Variants in CNGA4 observed in about 807,000 individuals in gnomAD.
The protein encoded by CNGA4 is cyclic nucleotide-gated channel alpha-4.
A neutral mutation model predicts 45.6 loss-of-function variants in CNGA4; 32 were observed. The ratio of observed to expected loss-of-function variants is 0.70; its 90% CI spans 0.53 to 0.94. CNGA4 has a LOEUF of 0.94. CNGA4 is among the 40% of genes least tolerant of loss of function. The pLI, the probability that CNGA4 is intolerant of heterozygous loss-of-function variation, is 0.00. For synonymous variants in CNGA4, 293 were observed against 304.6 expected (o/e 0.96, Z 0.40); for missense variants, 726 against 755.1 (o/e 0.96, Z 0.45).
At position 6,240,705 on chromosome 11, in the gene CNGA4, T is replaced by C. The variant is rs139774505; in HGVS notation, c.911T>C (p.Ile304Thr). ...HVNRKLERRV[I>T]DWYQHLQINK... is the part of the protein sequence containing the mutation. ...AACCGCAAGCTGGAGCGGCGAGTTA[T>C]TGACTGGTGAGAAGGCGGGGTTCCA... Residue 304 changes from isoleucine to threonine, a missense_variant, in exon 4 of 6, where the codon ATT becomes ACT. By Grantham distance (89) the Ile-to-Thr change is moderately conservative. Coordinates refer to ENST00000379936, the MANE Select transcript of CNGA4 (RefSeq NM_001037329.4). This position sits in a 1 kb window ranked among gnomAD's most constrained non-coding sequence, Gnocchi z 4.9. 33 of 1,611,804 alleles carry C rather than the reference T, an allele frequency of 2.0e-5. No homozygotes were observed. Among genetic ancestry groups the C allele is most frequent in the Non-Finnish European group, 2.7e-5 (32 of 1,178,322 alleles).
chr11:6,243,101 T>G (rs1847939796), intron 5 of CNGA4, among the ~76,000 whole-genome samples: 1 of 152,168 alleles, frequency 6.6e-6, no homozygotes. Context: ...TTCTACCCCC[T>G]TCCCTCTGTT....
At chr11:6,244,827 C>T (rs866258400), downstream of CNGA4, among the ~76,000 whole-genome samples, 12 of 152,334 alleles carry the variant, frequency 7.9e-5, no homozygotes, top group Middle Eastern at 3.4e-3. This position sits in a 1 kb window ranked among gnomAD's most constrained non-coding sequence, Gnocchi z 4.5. Context: ...GACACAGATG[C>T]CCTTCACAGG....
At position 6,240,090 on chromosome 11, in the gene CNGA4, T is replaced by C. The variant is rs1373757845; in HGVS notation, c.296T>C (p.Val99Ala). 1 of 1,611,778 alleles carries C rather than the reference T, an allele frequency of 6.2e-7. No individual in the cohort carries two copies. Among genetic ancestry groups the C allele is most frequent in the South Asian group, 1.1e-5 (1 of 90,826 alleles). ...HTGFLEQGILVVDKGRISSRY... is the reference protein window; with the variant it reads ...HTGFLEQGILAVDKGRISSRY... ...GGATTCTTGGAACAGGGCATCCTGGTGGTGGACAAGGGTAGGATCTCGAGT... is the reference window on the plus strand; with the variant it reads ...GGATTCTTGGAACAGGGCATCCTGGCGGTGGACAAGGGTAGGATCTCGAGT... The change falls in exon 4 of 6, where the codon GTG (valine) becomes GCG (alanine). Residue 99 changes from valine (V) to alanine (A), a missense_variant. Val to Ala is a moderately conservative substitution (Grantham distance 64). Coordinates refer to ENST00000379936, the MANE Select transcript of CNGA4 (RefSeq NM_001037329.4). This position sits in a 1 kb window ranked among gnomAD's most constrained non-coding sequence, Gnocchi z 4.9.
At chr11:6,237,498 T>A (rs1188138723), upstream of CNGA4, among the ~76,000 whole-genome samples, 1 of 150,726 alleles carries the variant, frequency 6.6e-6, no homozygotes, top group African/African-American at 2.4e-5. Context: ...GTGACTGACG[T>A]CAATCAGACA....
chr11:6,240,013 C>A lies in CNGA4; in HGVS notation c.272-53C>A, dbSNP rs1241370031. The stretch of plus-strand genomic sequence containing the variant: ...TGGCCTGCCCTGGGCAGCTCATGCT[C>A]AGCCCAAGCTTGACTACAGCAGGTC... On this transcript the variant is annotated intron_variant, in intron 3 of 5. Coordinates refer to ENST00000379936, the MANE Select transcript of CNGA4 (RefSeq NM_001037329.4). This position sits in a 1 kb window ranked among gnomAD's most constrained non-coding sequence, Gnocchi z 4.9. 4 of 1,555,270 alleles carry A rather than the reference C, an allele frequency of 2.6e-6. No individual in the cohort carries two copies. Among genetic ancestry groups the A allele is most frequent in the Non-Finnish European group, 3.5e-6 (4 of 1,149,978 alleles).
upstream of CNGA4, among the ~76,000 whole-genome samples, chr11:6,237,961 G>T (rs1024449586): frequency 1.3e-5 from 2 of 152,276 alleles, no homozygotes; most frequent in Non-Finnish European, 1.5e-5. Context: ...CTACCCGCTA[G>T]GCCCTCTAAA....
chr11:6,244,636 T>G (rs1432884128), downstream of CNGA4, among the ~76,000 whole-genome samples: 1 of 146,436 alleles, frequency 6.8e-6, no homozygotes, highest in South Asian at 2.2e-4. This position sits in a 1 kb window ranked among gnomAD's most constrained non-coding sequence, Gnocchi z 4.5. Context: ...ACACATTTGC[T>G]CATAGACCTG....
rs1440043544 is a variant in CNGA4, at chr11:6,239,688, T to C, written c.169T>C (p.Cys57Arg). The change falls in exon 3 of 6, where the codon TGC (cysteine) becomes CGC (arginine). Residue 57 changes from cysteine (C) to arginine (R), a missense_variant. Coordinates refer to ENST00000379936, the MANE Select transcript of CNGA4 (RefSeq NM_001037329.4). ...YNLIILVCRA[C>R]FPDLQHGYLV... ...ATGCTTAACCCTGCCCTGCAGAGCCTGCTTCCCCGACTTGCAGCACGGTTA... is the reference window on the plus strand; with the variant it reads ...ATGCTTAACCCTGCCCTGCAGAGCCCGCTTCCCCGACTTGCAGCACGGTTA... 6.2e-7 allele frequency: 1 copy of C among 1,613,994 alleles called. No individual in the cohort carries two copies. Among genetic ancestry groups the C allele is most frequent in the Non-Finnish European group, 8.5e-7 (1 of 1,179,926 alleles).
At chr11:6,237,575 T>C (rs1423795523), upstream of CNGA4, among the ~76,000 whole-genome samples, 1 of 150,838 alleles carries the variant, frequency 6.6e-6, no homozygotes, top group Non-Finnish European at 1.5e-5. Context: ...AACACCATCA[T>C]AGAAGGAATA....
At chr11:6,239,347 C>G in intron 1 of CNGA4, 37 bp from the exon 2 acceptor site, 1 of 1,612,908 alleles carries the variant, frequency 6.2e-7, no homozygotes, top group Non-Finnish European at 8.5e-7. Flanking sequence ...CTTTGAATGC[C>G]TGGTGAATAA....
chr11:6,240,145 G>C lies in CNGA4; in HGVS notation c.351G>C (p.Leu117Phe). ...ACGTTCGCACCTGGAGTTTCTTCTT[G>C]GACCTGGCTTCCCTGATGCCCACAG... ...SRYVRTWSFF[L>F]DLASLMPTDV... The change falls in exon 4 of 6, where the codon TTG becomes TTC. Residue 117 changes from leucine (L) to phenylalanine (F), a missense_variant. By Grantham distance (22) the Leu-to-Phe change is conservative (BLOSUM62 0). Coordinates refer to ENST00000379936, the MANE Select transcript of CNGA4 (RefSeq NM_001037329.4). The surrounding 1 kb of genome is among the most constrained non-coding windows in gnomAD (Gnocchi z 4.9). The C allele has an allele frequency of 3.7e-6, 6 of 1,614,194 alleles. No individual in the cohort carries two copies. The highest frequency in any genetic ancestry group is 5.1e-6 in the Non-Finnish European group (6 of 1,180,046).
downstream of CNGA4, chr11:6,244,524 G>A: frequency 2.1e-6 from 2 of 960,508 alleles, no homozygotes; most frequent in Non-Finnish European, 1.5e-6. This position sits in a 1 kb window ranked among gnomAD's most constrained non-coding sequence, Gnocchi z 4.5. Context: ...GAGCGAATTG[G>A]TCTGTAGATG....
rs542612027 is a variant in CNGA4 at position 6,239,156 on chromosome 11, C to A, written c.-51C>A. 1.5e-5 allele frequency: 24 copies of A among 1,612,120 alleles called. No homozygotes were observed. In the South Asian group the frequency reaches 2.5e-4, roughly 17 times the overall value. On this transcript the variant is annotated 5_prime_UTR_variant, in exon 1 of 6. Coordinates refer to ENST00000379936, the MANE Select transcript of CNGA4 (RefSeq NM_001037329.4). ...AGTGCCCAACTCCAGAAGTCCCCTA[C>A]AGGCAGAGAGGGTGTGGACATCTCA...
upstream of CNGA4, among the ~76,000 whole-genome samples, chr11:6,238,232 C>A (rs1470634892): frequency 3.3e-5 from 5 of 152,210 alleles, no homozygotes; most frequent in East Asian, 9.6e-4. Flanking sequence ...TACCTGCTGG[C>A]CTGACTATTT....
upstream of CNGA4, chr11:6,235,391 A>G (rs767679309): frequency 2.4e-5 from 19 of 788,498 alleles, no homozygotes; most frequent in Admixed American, 1.9e-4. Flanking sequence ...ATTCCGGATC[A>G]ATTAGAACCG....
intron 5 of CNGA4, 54 bp downstream of exon 5, chr11:6,241,834 C>T (rs552743910): frequency 2.0e-6 from 3 of 1,499,866 alleles, no homozygotes; most frequent in East Asian, 2.3e-5. Context: ...TAGGGGGGAA[C>T]AGCAGAGCCC....
At position 6,243,713 on chromosome 11, in the gene CNGA4, A is replaced by G. The variant is rs1000750130; in HGVS notation, c.1268-236A>G. Among the ~76,000 whole-genome samples, 7 of 152,314 alleles carry G rather than the reference A, an allele frequency of 4.6e-5. No homozygotes were observed. The East Asian group carries it at 1.4e-3, about 29-fold the overall frequency. ...TTCACTGCACCAGCCATACTGTTAT[A>G]TAACTATTCCAATATATGTGTATCT... On this transcript the variant is annotated intron_variant, in intron 5 of 5. Transcript: ENST00000379936.
rs374024339 is a variant in CNGA4, at chr11:6,241,726, G to A, written c.1213G>A (p.Ala405Thr). 1.2e-6 allele frequency: 2 copies of A among 1,614,116 alleles called. No homozygotes were observed. Among genetic ancestry groups the A allele is most frequent in the African/African-American group, 2.7e-5 (2 of 74,942 alleles). Residue 405 changes from alanine to threonine, a missense_variant, in exon 5 of 6, where the codon GCT (alanine) becomes ACT (threonine). Transcript: ENST00000379936. ...VVADDGITQY[A>T]VLGAGLYFGE... Reference sequence around the variant, plus strand: ...GGCAGATGATGGTATCACACAGTATGCTGTGCTCGGTGCAGGGCTCTACTT... The same window carrying A: ...GGCAGATGATGGTATCACACAGTATACTGTGCTCGGTGCAGGGCTCTACTT...
chr11:6,241,975 A>C, intron 5 of CNGA4, 195 bp downstream of exon 5: 1 of 602,914 alleles, frequency 1.7e-6, no homozygotes, highest in Non-Finnish European at 2.9e-6. Context: ...AAGCTGAGCC[A>C]AGGCCAGTGA....
Sources: allele counts gnomAD v4.1 joint callset (sites outside exome capture counted in the v4.1 genomes callset), GRCh38; gene constraint gnomAD v4.1.1; non-coding constraint Gnocchi (gnomAD v3.1); transcripts MANE v1.5; gene names NCBI Gene and HGNC (gene_info 2026-07-23, HGNC 2026-07-21).